STARD13: variants seen among roughly 807,000 people sequenced by gnomAD.
STARD13 encodes StAR related lipid transfer domain containing 13, also known as stAR-related lipid transfer protein 13.
In STARD13, 62 loss-of-function variants were observed where a neutral mutation model predicts 106.4. That is an observed-to-expected ratio of 0.58 (90% confidence interval 0.48 to 0.72). The LOEUF is 0.72. Ranked by LOEUF, STARD13 falls within the 30% of genes least tolerant of loss-of-function variation. The pLI is 0.00. For synonymous variants in STARD13, 565 were observed against 553.0 expected, an observed-to-expected ratio of 1.02 and a Z score of -0.31; for missense variants, 1,387 against 1,424.0, an observed-to-expected ratio of 0.97 and a Z score of 0.42.
chr13:33,225,898 A>T (rs186904810), intron 1 of STARD13, among the ~76,000 whole-genome samples: 11 of 152,326 alleles, frequency 7.2e-5, no homozygotes, highest in Non-Finnish European at 1.3e-4. Flanking sequence ...TCTCCTCCTC[A>T]AATTCATATG....
At chr13:33,414,046 A>AG in the STARD13 span, among the ~76,000 whole-genome samples, 1 of 151,370 alleles carries the variant, frequency 6.6e-6, no homozygotes, top group Admixed American at 6.6e-5. Context: ...AAAAAAAAAA[A>AG]AAAAGAAAAG....
the STARD13 span, among the ~76,000 whole-genome samples, chr13:33,653,590 A>G: frequency 2.6e-5 from 4 of 152,196 alleles, no homozygotes; most frequent in African/African-American, 7.2e-5. Context: ...AACAAAATGT[A>G]GAAGAATAAA....
chr13:33,500,500 G>A, the STARD13 span, among the ~76,000 whole-genome samples: 1 of 151,980 alleles, frequency 6.6e-6, no homozygotes, highest in Non-Finnish European at 1.5e-5. Flanking sequence ...ATTTCACTAT[G>A]TTCTTTTTTA....
rs116388248 is a variant in STARD13, at chr13:33,198,237, T to C, written c.170-30615A>G. Among the ~76,000 whole-genome samples the C allele has an allele frequency of 8.0e-3, 1,211 of 152,256 alleles. 24 individuals are homozygous for C. The highest frequency in any genetic ancestry group is 0.028 in the African/African-American group (1,148 of 41,556). Reference sequence around the variant, plus strand: ...CAACCTAAGCCATCCAGGAAAAAAATCTAAATTGTCTTTGACTTATTCTTT... The same window carrying C: ...CAACCTAAGCCATCCAGGAAAAAAACCTAAATTGTCTTTGACTTATTCTTT... On this transcript the variant is annotated intron_variant, in intron 1 of 13. Transcript: ENST00000336934.
chr13:33,421,510 C>A, the STARD13 span, among the ~76,000 whole-genome samples: 1 of 152,122 alleles, frequency 6.6e-6, no homozygotes, highest in Non-Finnish European at 1.5e-5. Context: ...CGAACTCTAC[C>A]AAGGTACAAA....
chr13:33,398,226 T>A, the STARD13 span, among the ~76,000 whole-genome samples: 1 of 152,234 alleles, frequency 6.6e-6, no homozygotes, highest in Non-Finnish European at 1.5e-5. Context: ...CAGCCTTAGG[T>A]CTGTGCTCTT....
At chr13:33,251,898 T>G (rs982378220) in intron 1 of STARD13, among the ~76,000 whole-genome samples, 1 of 152,236 alleles carries the variant, frequency 6.6e-6, no homozygotes, top group Admixed American at 6.5e-5. Context: ...AATTTCAAAG[T>G]AAATTCCCTT....
the STARD13 span, among the ~76,000 whole-genome samples, chr13:33,449,033 G>A: frequency 4.0e-5 from 6 of 151,734 alleles, no homozygotes; most frequent in East Asian, 1.2e-3. Context: ...CACTCTGCAT[G>A]CTGTCTCTTT....
At chr13:33,653,262 C>T in the STARD13 span, among the ~76,000 whole-genome samples, 1 of 152,110 alleles carries the variant, frequency 6.6e-6, no homozygotes, top group South Asian at 2.1e-4. Flanking sequence ...ACTCAAACTT[C>T]CCTCTTCCCA....
the STARD13 span, among the ~76,000 whole-genome samples, chr13:33,518,263 T>A: frequency 8.5e-5 from 13 of 152,110 alleles, no homozygotes; most frequent in Non-Finnish European, 1.5e-4. Context: ...CAAGACAGGA[T>A]CTGTTAAAAA....
At chr13:33,391,426 G>A in the STARD13 span, among the ~76,000 whole-genome samples, 1 of 152,176 alleles carries the variant, frequency 6.6e-6, no homozygotes, top group African/African-American at 2.4e-5. Flanking sequence ...GTAAATCAAG[G>A]TTGCAAGAGC....
At chr13:33,475,914 G>A in the STARD13 span, among the ~76,000 whole-genome samples, 21 of 151,932 alleles carry the variant, frequency 1.4e-4, no homozygotes, top group African/African-American at 3.4e-4. Flanking sequence ...CCGAGATGGC[G>A]CCACTGCACT....
the STARD13 span, among the ~76,000 whole-genome samples, chr13:33,581,497 A>T: frequency 2.0e-5 from 3 of 152,160 alleles, no homozygotes; most frequent in Non-Finnish European, 2.9e-5. Context: ...TGAATTTGTT[A>T]GTCCTCAGTA....
the STARD13 span, among the ~76,000 whole-genome samples, chr13:33,637,488 T>G: frequency 6.6e-6 from 1 of 152,220 alleles, no homozygotes; most frequent in African/African-American, 2.4e-5. Context: ...TTTTAACACA[T>G]AGCCCTCTGA....
chr13:33,152,125 T>C (rs1258578492), intron 3 of STARD13, among the ~76,000 whole-genome samples: 2 of 152,128 alleles, frequency 1.3e-5, no homozygotes, highest in Admixed American at 1.3e-4. Context: ...AGAAGATACA[T>C]AATAATTAAA....
chr13:33,328,578 A>C (rs186953896), intron 1 of STARD13, among the ~76,000 whole-genome samples: 68 of 152,372 alleles, frequency 4.5e-4, no homozygotes, highest in African/African-American at 1.3e-3. Context: ...AGATTGACCA[A>C]GAAAGGGTAA....
At chr13:33,478,680 T>G in the STARD13 span, among the ~76,000 whole-genome samples, 1 of 151,696 alleles carries the variant, frequency 6.6e-6, no homozygotes, top group Non-Finnish European at 1.5e-5. Context: ...CTTTGGGAGG[T>G]CAAGGCAGGA....
At chr13:33,241,197 A>G (rs1025453082) in intron 1 of STARD13, among the ~76,000 whole-genome samples, 1 of 152,254 alleles carries the variant, frequency 6.6e-6, no homozygotes, top group African/African-American at 2.4e-5. Context: ...TCTACAATCT[A>G]TTAAGTGTCA....
the STARD13 span, among the ~76,000 whole-genome samples, chr13:33,587,469 A>G: frequency 7.9e-5 from 12 of 152,124 alleles, no homozygotes; most frequent in Non-Finnish European, 1.8e-4. Flanking sequence ...TTCCTTATAA[A>G]CAATCAATAT....
Sources: gnomAD v4.1 joint callset for allele counts (sites outside exome capture counted in the v4.1 genomes callset) on GRCh38, gnomAD v4.1.1 for gene constraint, MANE v1.5 for transcripts, NCBI Gene and HGNC (gene_info 2026-07-23, HGNC 2026-07-21) for gene names.